MECOM: variants seen among roughly 807,000 people sequenced by gnomAD.
The protein encoded by MECOM is MDS1 and EVI1 complex locus.
Under a neutral mutation model 116.3 loss-of-function variants are expected in MECOM, and 13 were observed. The observed-to-expected ratio is 0.11, with a 90% CI of 0.07 to 0.18. The LOEUF is 0.18. MECOM is among the 10% of genes least tolerant of loss of function. The pLI, the probability that MECOM is intolerant of heterozygous loss-of-function variation, is 1.00. For missense variants in MECOM, 1,299 were observed against 1,509.0 expected, an observed-to-expected ratio of 0.86 and a Z score of 2.31; for synonymous variants, 528 against 535.2, an observed-to-expected ratio of 0.99 and a Z score of 0.19.
rs74657814 is a variant in MECOM, at chr3:169,407,878, G to A, written c.38-26354C>T. ...TCTCCAAGGAATTCCACTTCTTGAT[G>A]GTTATCCAGAATACTGTGACATTGA... On this transcript the variant is annotated intron_variant, in intron 1 of 16. Coordinates refer to ENST00000651503, the MANE Select transcript of MECOM (RefSeq NM_004991.4). Among the ~76,000 whole-genome samples, 247 of 152,270 alleles carry A rather than the reference G, an allele frequency of 1.6e-3. 3 individuals are homozygous for A. The highest frequency in any genetic ancestry group is 5.1e-3 in the African/African-American group (213 of 41,564).
intron 2 of MECOM, among the ~76,000 whole-genome samples, chr3:169,231,584 T>C (rs2149522517): frequency 6.6e-6 from 1 of 152,176 alleles, no homozygotes; most frequent in Non-Finnish European, 1.5e-5. Flanking sequence ...GAGAAGTCCC[T>C]ACTGAGGAAA....
chr3:169,516,868 T>C (rs1756692576), intron 1 of MECOM, among the ~76,000 whole-genome samples: 2 of 152,176 alleles, frequency 1.3e-5, no homozygotes, highest in Non-Finnish European at 2.9e-5. Context: ...AGTCAAAGCA[T>C]TGAAATCATA....
intron 1 of MECOM, among the ~76,000 whole-genome samples, chr3:169,642,525 A>G (rs1773629548): frequency 6.6e-6 from 1 of 151,904 alleles, no homozygotes; most frequent in Non-Finnish European, 1.5e-5. Context: ...ACAACAAAAA[A>G]AAAAAGTGAA....
chr3:169,116,383 A>G lies in MECOM; in HGVS notation c.1489T>C (p.Ser497Pro). Residue 497 changes from serine to proline, a missense_variant, in exon 8 of 17, where the codon TCC becomes CCC. Ser to Pro is a moderately conservative substitution (Grantham distance 74). Transcript: ENST00000651503. ...FSFSFPGLFP[S>P]GLYHRPPLIP... ...AAAGGAGGCCTGTGGTACAAGCCGG[A>G]AGGAAACAGACCAGGGAAGCTAAAA... 6.2e-7 allele frequency: 1 copy of G among 1,614,220 alleles called. No individual in the cohort carries two copies. Among genetic ancestry groups the G allele is most frequent in the South Asian group, 1.1e-5 (1 of 91,084 alleles).
chr3:169,114,318 T>C (rs1728411309), intron 8 of MECOM, among the ~76,000 whole-genome samples: 1 of 152,198 alleles, frequency 6.6e-6, no homozygotes, highest in Non-Finnish European at 1.5e-5. Context: ...TTGATACTAC[T>C]TTATCATATT....
chr3:169,518,246 G>T (rs550659847), intron 1 of MECOM, among the ~76,000 whole-genome samples: 2 of 149,162 alleles, frequency 1.3e-5, no homozygotes, highest in African/African-American at 4.9e-5. Context: ...GCGACAGAGT[G>T]AGACTCCATC....
intron 2 of MECOM, among the ~76,000 whole-genome samples, chr3:169,229,108 TGGTCCG>T (rs1753081389): frequency 1.3e-5 from 2 of 152,206 alleles, no homozygotes; most frequent in Non-Finnish European, 2.9e-5. Context: ...TTCTAGTCAA[TGGTCCG>T]TTTACTTACA....
chr3:169,434,014 T>C lies in MECOM; in HGVS notation c.38-52490A>G, dbSNP rs546149698. Among the ~76,000 whole-genome samples, 4 of 152,358 alleles carry C rather than the reference T, an allele frequency of 2.6e-5. 1 individual carries two copies. In the South Asian group the frequency reaches 8.3e-4, roughly 32 times the overall value. On this transcript the variant is annotated intron_variant, in intron 1 of 16. Transcript: ENST00000651503. ...GTGGCAGAAATTGCCTCTTTAATTT[T>C]ACCCATTCTCCAAGTGTCAAAACGT... is the stretch of plus-strand genomic sequence containing the variant.
intron 2 of MECOM, among the ~76,000 whole-genome samples, chr3:169,308,843 G>C (rs540760992): frequency 6.6e-6 from 1 of 152,148 alleles, no homozygotes; most frequent in African/African-American, 2.4e-5. Context: ...TAAAAGACAC[G>C]TCTTCCTTCT....
At chr3:169,147,161 A>T in intron 2 of MECOM, 1 of 985,528 alleles carries the variant, frequency 1.0e-6, no homozygotes, top group Non-Finnish European at 1.2e-6. Context: ...GTGTAATGAA[A>T]GTTATCTGAA....
chr3:169,428,129 A>G (rs1251946214), intron 1 of MECOM, among the ~76,000 whole-genome samples: 1 of 152,186 alleles, frequency 6.6e-6, no homozygotes, highest in Non-Finnish European at 1.5e-5. Context: ...GCTGTGAGCC[A>G]ACATCACACC....
chr3:169,340,243 C>T (rs78266337), intron 2 of MECOM, among the ~76,000 whole-genome samples: 2,678 of 152,226 alleles, frequency 0.018, 63 homozygotes, highest in East Asian at 0.1. Flanking sequence ...CTGTCAATGC[C>T]CATCATAAAT....
At chr3:169,479,162 T>C (rs911395736) in intron 1 of MECOM, among the ~76,000 whole-genome samples, 1 of 152,090 alleles carries the variant, frequency 6.6e-6, no homozygotes, top group African/African-American at 2.4e-5. Context: ...GGAGGAATGC[T>C]GGAAAAGCTT....
At chr3:169,485,964 C>CA (rs1560340637) in intron 1 of MECOM, among the ~76,000 whole-genome samples, 4 of 94,362 alleles carry the variant, frequency 4.2e-5, no homozygotes, top group East Asian at 3.0e-4. Flanking sequence ...TACATATATA[C>CA]TATATATACA....
chr3:169,556,901 C>T (rs1034445788), intron 1 of MECOM, among the ~76,000 whole-genome samples: 15 of 151,900 alleles, frequency 9.9e-5, no homozygotes, highest in African/African-American at 2.9e-4. Context: ...ATTCCTGACC[C>T]GTAGAATCTA....
chr3:169,363,598 C>G (rs1020222058), intron 2 of MECOM, among the ~76,000 whole-genome samples: 8 of 151,880 alleles, frequency 5.3e-5, no homozygotes, highest in African/African-American at 9.7e-5. Flanking sequence ...ACTGCTGGCT[C>G]TCTTTTCAGC....
intron 1 of MECOM, among the ~76,000 whole-genome samples, chr3:169,485,973 C>CAT (rs113586047): frequency 3.2e-3 from 171 of 53,864 alleles, no homozygotes; most frequent in Admixed American, 7.2e-3. Context: ...ACTATATATA[C>CAT]ATATATATAT....
intron 2 of MECOM, among the ~76,000 whole-genome samples, chr3:169,174,986 A>G (rs1744932704): frequency 6.6e-6 from 1 of 152,100 alleles, no homozygotes; most frequent in Non-Finnish European, 1.5e-5. Flanking sequence ...TTTTTTGTCA[A>G]TCGGGGTGGG....
At chr3:169,147,516 A>G in intron 2 of MECOM, 1 of 985,496 alleles carries the variant, frequency 1.0e-6, no homozygotes, top group Non-Finnish European at 1.2e-6. Flanking sequence ...TTAAAGTGAC[A>G]GCAGCCTCCT....
Sources: gnomAD v4.1 joint callset for allele counts (sites outside exome capture counted in the v4.1 genomes callset) on GRCh38, gnomAD v4.1.1 for gene constraint, MANE v1.5 for transcripts, NCBI Gene and HGNC (gene_info 2026-07-23, HGNC 2026-07-21) for gene names.